The following ZNF169 variants were observed in gnomAD, a reference collection of about 807,000 sequenced individuals.
ZNF169 encodes zinc finger protein 169.
In ZNF169, 11 loss-of-function variants were observed where a neutral mutation model predicts 12.0. That is an observed-to-expected ratio of 0.92 (90% CI 0.58 to 1.52). The LOEUF is 1.52. Ranked by LOEUF, ZNF169 falls within the 40% of genes most tolerant of loss-of-function variation. The probability of loss-of-function intolerance (pLI) is 0.00; values close to 1 mark genes in which losing one functional copy is unlikely to be tolerated. For synonymous variants in ZNF169, 302 were observed against 286.5 expected, an observed-to-expected ratio of 1.05 and a Z score of -0.55; for missense variants, 722 against 744.0, an observed-to-expected ratio of 0.97 and a Z score of 0.34.
At chr9:94,271,062 T>A (rs1465545356) in intron 1 of ZNF169, among the ~76,000 whole-genome samples, 2 of 127,762 alleles carry the variant, frequency 1.6e-5, no homozygotes, top group Non-Finnish European at 3.2e-5. Context: ...ATATATATAT[T>A]TGCAACTACG....
chr9:94,291,413 A>G (rs901232668), intron 2 of ZNF169, among the ~76,000 whole-genome samples: 10 of 152,102 alleles, frequency 6.6e-5, no homozygotes, highest in Admixed American at 1.3e-4. Flanking sequence ...GAACAAACCA[A>G]CGTTATATCT....
chr9:94,268,649 G>A (rs112940705), intron 1 of ZNF169, among the ~76,000 whole-genome samples: 3,855 of 151,658 alleles, frequency 0.025, 182 homozygotes, highest in African/African-American at 0.086. Flanking sequence ...TTAGCTGGGC[G>A]GGGTGGTGGG....
intron 1 of ZNF169, among the ~76,000 whole-genome samples, chr9:94,260,387 G>T (rs1038355074): frequency 8.5e-5 from 13 of 152,162 alleles, no homozygotes; most frequent in South Asian, 2.1e-4. Flanking sequence ...TGGATGGCTG[G>T]TGCACTGTGG....
intron 1 of ZNF169, among the ~76,000 whole-genome samples, chr9:94,270,117 GC>G (rs1830363863): frequency 1.3e-5 from 2 of 152,272 alleles, no homozygotes; most frequent in African/African-American, 4.8e-5. Flanking sequence ...CTCTTGATGG[GC>G]TTTTGTTACA....
chr9:94,292,537 C>T, intron 3 of ZNF169, 70 bp downstream of exon 3: 6 of 1,558,244 alleles, frequency 3.9e-6, no homozygotes, highest in Non-Finnish European at 5.2e-6. Flanking sequence ...AGCAAGCTGC[C>T]ATGCTTCTGA....
At chr9:94,269,036 A>G (rs1324279737) in intron 1 of ZNF169, among the ~76,000 whole-genome samples, 1 of 151,976 alleles carries the variant, frequency 6.6e-6, no homozygotes, top group Non-Finnish European at 1.5e-5. Context: ...GTTAGCTTTT[A>G]TTTAGGCCGA....
At chr9:94,276,121 A>G (rs990378752) in intron 1 of ZNF169, among the ~76,000 whole-genome samples, 3 of 152,042 alleles carry the variant, frequency 2.0e-5, no homozygotes, top group African/African-American at 4.8e-5. Context: ...ATTTGCAGAG[A>G]ACATCGGTTA....
intron 4 of ZNF169, chr9:94,296,948 G>A (rs529171098): frequency 5.2e-6 from 2 of 387,534 alleles, no homozygotes; most frequent in South Asian, 1.9e-5. Context: ...TCGGGAGGCT[G>A]AGGCAGGAGG....
intron 1 of ZNF169, among the ~76,000 whole-genome samples, chr9:94,260,867 C>T (rs11795317): frequency 0.18 from 20,882 of 114,052 alleles, 2,975 homozygotes; most frequent in Middle Eastern, 0.26. Context: ...GTCGCCCAGG[C>T]TGGAGTGCAG....
rs1830948167 is a variant in ZNF169, at chr9:94,296,237, T to C, written c.256+3168T>C. 1.3e-5 allele frequency among the ~76,000 whole-genome samples: 2 copies of C among 152,232 alleles called. 1 individual carries two copies. Among genetic ancestry groups the C allele is most frequent in the South Asian group, 4.1e-4 (2 of 4,834 alleles). The stretch of plus-strand genomic sequence containing the variant: ...AATGTGGTTTCTTATTTTTGTATTA[T>C]TGAGTTTGAGAGTTCTTCACATATT... On this transcript the variant is annotated intron_variant, in intron 4 of 4. Coordinates refer to ENST00000395395, the MANE Select transcript of ZNF169 (RefSeq NM_194320.4).
At position 94,301,356 on chromosome 9, in the gene ZNF169, C is replaced by A. The variant is rs1831075107; in HGVS notation, c.1798C>A (p.Gln600Lys). Residue 600 changes from glutamine to lysine, a missense_variant, in exon 5 of 5, where the codon CAA (glutamine) becomes AAA (lysine). Transcript: ENST00000395395. ...RTKSGHQLLPQEVF is the reference protein window; with the variant it reads ...RTKSGHQLLPKEVF ...CAAGTCTGGTCATCAGCTCCTACCCCAAGAGGTCTTCTGACCTTTCCTTTC... is the reference window on the plus strand; with the variant it reads ...CAAGTCTGGTCATCAGCTCCTACCCAAAGAGGTCTTCTGACCTTTCCTTTC... 6.2e-7 allele frequency: 1 copy of A among 1,610,394 alleles called. No homozygotes were observed. Among genetic ancestry groups the A allele is most frequent in the Non-Finnish European group, 8.5e-7 (1 of 1,177,456 alleles).
At chr9:94,276,389 C>T (rs1002545658) in intron 1 of ZNF169, among the ~76,000 whole-genome samples, 4 of 152,140 alleles carry the variant, frequency 2.6e-5, no homozygotes, top group East Asian at 1.9e-4. Context: ...CCTCAGCCTC[C>T]GGAGTAGCTG....
At chr9:94,282,611 C>T (rs1830661271) in intron 2 of ZNF169, among the ~76,000 whole-genome samples, 1 of 152,050 alleles carries the variant, frequency 6.6e-6, no homozygotes, top group Non-Finnish European at 1.5e-5. Flanking sequence ...GCAGGTTGGC[C>T]CTAAGCAGTT....
chr9:94,274,396 C>G (rs936614511), intron 1 of ZNF169, among the ~76,000 whole-genome samples: 34 of 152,096 alleles, frequency 2.2e-4, no homozygotes, highest in African/African-American at 8.2e-4. Flanking sequence ...TTTCTCATAT[C>G]CCTTGGAATT....
At chr9:94,259,521 A>G (rs565653424) in intron 1 of ZNF169, among the ~76,000 whole-genome samples, 176 bp downstream of exon 1, 93 of 152,220 alleles carry the variant, frequency 6.1e-4, no homozygotes, top group Admixed American at 2.2e-3. Flanking sequence ...TCCACCCCGG[A>G]GAGAGGTCTT....
chr9:94,294,099 CTGTATTCT>C (rs1269083757), intron 4 of ZNF169: 1 of 152,184 alleles, frequency 6.6e-6, no homozygotes, highest in Non-Finnish European at 1.5e-5. Flanking sequence ...TAATCTTGCT[CTGTATTCT>C]TGTATGCCTC....
Position 94,280,329 on chromosome 9 carries a change from G to A in ZNF169, c.33+1484G>A, listed in dbSNP as rs571059788. 2.6e-5 allele frequency among the ~76,000 whole-genome samples: 4 copies of A among 152,162 alleles called. No individual in the cohort carries two copies. The South Asian group carries it at 6.2e-4, about 24-fold the overall frequency. ...AGGTAGCAGGAGACTTTTTTCTTCC[G>A]TGTGTTGCACTTTACTATGTATGTT... On this transcript the variant is annotated intron_variant, in intron 2 of 4. Coordinates refer to ENST00000395395, the MANE Select transcript of ZNF169 (RefSeq NM_194320.4).
At chr9:94,278,477 G>GA (rs1459138844) in intron 1 of ZNF169, among the ~76,000 whole-genome samples, 1 of 152,202 alleles carries the variant, frequency 6.6e-6, no homozygotes, top group Non-Finnish European at 1.5e-5. Flanking sequence ...AGGGCACTCT[G>GA]AGGCCTTTTT....
chr9:94,291,617 T>G (rs10993147), intron 2 of ZNF169, among the ~76,000 whole-genome samples: 16,661 of 152,138 alleles, frequency 0.11, 1,496 homozygotes, highest in East Asian at 0.35. Flanking sequence ...TAAAGTTTAG[T>G]CAGCTTGCCG....
Sources: gnomAD v4.1 joint callset for allele counts (sites outside exome capture counted in the v4.1 genomes callset) on GRCh38, gnomAD v4.1.1 for gene constraint, MANE v1.5 for transcripts, NCBI Gene and HGNC (gene_info 2026-07-23, HGNC 2026-07-21) for gene names.